The following GNAQ variants were observed in gnomAD, a reference collection of about 807,000 sequenced individuals.
The protein encoded by GNAQ is G protein subunit alpha q.
GNAQ carries 8 observed loss-of-function variants against 43.9 expected under a neutral mutation model. The ratio of observed to expected loss-of-function variants is 0.18; its 90% confidence interval spans 0.11 to 0.33. The LOEUF (loss-of-function observed/expected upper bound fraction) is 0.33. GNAQ is among the 10% of genes least tolerant of loss of function. The probability of loss-of-function intolerance (pLI) is 1.00; values close to 1 mark genes in which losing one functional copy is unlikely to be tolerated. For missense variants in GNAQ, 158 were observed against 450.8 expected (o/e 0.35, Z 5.88); for synonymous variants, 155 against 170.7 (o/e 0.91, Z 0.71).
rs56978328 is a variant in GNAQ at position 77,986,803 on chromosome 9, CTTTT to C, written c.136+44293_136+44296del. Among the ~76,000 whole-genome samples, 83 of 123,542 alleles carry C rather than the reference CTTTT, an allele frequency of 6.7e-4. 1 individual carries two copies. Among genetic ancestry groups the C allele is most frequent in the South Asian group, 2.4e-3 (9 of 3,740 alleles). The allele number at this position is 123,542 out of a possible 152,430, so 81.0% of individuals were successfully genotyped here. ...CAAGAATGAGCCATGGCACCTGGCC[CTTTT>C]TTTTTTTTTTTTTTTTTTAACCTTT... On this transcript the variant is annotated intron_variant, in intron 1 of 6. Coordinates refer to ENST00000286548, the MANE Select transcript of GNAQ (RefSeq NM_002072.5).
intron 1 of GNAQ, among the ~76,000 whole-genome samples, chr9:78,009,103 C>G (rs964668128): frequency 6.6e-6 from 1 of 152,120 alleles, no homozygotes; most frequent in African/African-American, 2.4e-5. Context: ...TAAATAGGTA[C>G]CAAATGAAGT....
intron 2 of GNAQ, among the ~76,000 whole-genome samples, chr9:77,887,709 T>A (rs568517898): frequency 1.3e-5 from 2 of 152,334 alleles, no homozygotes; most frequent in East Asian, 3.9e-4. Context: ...CCATATATTC[T>A]TAGAAATATT....
At chr9:77,798,517 T>C (rs191863546) in intron 3 of GNAQ, among the ~76,000 whole-genome samples, 1 of 152,306 alleles carries the variant, frequency 6.6e-6, no homozygotes, top group East Asian at 1.9e-4. Flanking sequence ...CGTTGTTATA[T>C]ACTCATATGC....
At chr9:77,919,732 T>C (rs1184295613) in intron 2 of GNAQ, among the ~76,000 whole-genome samples, 1 of 152,114 alleles carries the variant, frequency 6.6e-6, no homozygotes, top group African/African-American at 2.4e-5. Flanking sequence ...AGTCATGATA[T>C]GTAGGAGGAT....
At chr9:77,983,007 C>A (rs1334580395) in intron 1 of GNAQ, among the ~76,000 whole-genome samples, 1 of 152,058 alleles carries the variant, frequency 6.6e-6, no homozygotes, top group Non-Finnish European at 1.5e-5. Context: ...TTTAGAAGAA[C>A]CATAACAGAG....
At chr9:77,850,234 G>C (rs1000792839) in intron 2 of GNAQ, among the ~76,000 whole-genome samples, 2 of 152,150 alleles carry the variant, frequency 1.3e-5, no homozygotes, top group African/African-American at 4.8e-5. Context: ...TTATCTGTCA[G>C]AGTCAATAAT....
At chr9:77,756,586 G>C (rs1450901482) in intron 5 of GNAQ, among the ~76,000 whole-genome samples, 1 of 152,192 alleles carries the variant, frequency 6.6e-6, no homozygotes, top group Non-Finnish European at 1.5e-5. Context: ...ACAATGACTT[G>C]AGAGAACCTG....
intron 3 of GNAQ, among the ~76,000 whole-genome samples, chr9:77,814,545 T>C (rs1252321043): frequency 6.6e-6 from 1 of 152,234 alleles, no homozygotes; most frequent in Non-Finnish European, 1.5e-5. Flanking sequence ...AGGCAACATT[T>C]CTGTGGCTGA....
At chr9:77,927,585 A>G (rs565190373) in intron 1 of GNAQ, among the ~76,000 whole-genome samples, 58 of 152,122 alleles carry the variant, frequency 3.8e-4, no homozygotes, top group African/African-American at 1.2e-3. Flanking sequence ...AAGAAAAAAA[A>G]GGGGGTGGGG....
chr9:78,006,738 G>A (rs1199685839), intron 1 of GNAQ, among the ~76,000 whole-genome samples: 2 of 152,174 alleles, frequency 1.3e-5, no homozygotes, highest in Admixed American at 6.5e-5. Context: ...ATGTAACAAA[G>A]TCGAGTTTGA....
intron 1 of GNAQ, among the ~76,000 whole-genome samples, chr9:77,992,869 C>T (rs1354909210): frequency 2.0e-5 from 3 of 151,896 alleles, no homozygotes; most frequent in South Asian, 2.1e-4. Flanking sequence ...TGCTCGAACC[C>T]GGGAGGTGGA....
At chr9:77,871,364 T>C (rs1233441908) in intron 2 of GNAQ, among the ~76,000 whole-genome samples, 2 of 152,086 alleles carry the variant, frequency 1.3e-5, no homozygotes, top group African/African-American at 4.8e-5. Flanking sequence ...GGGATAAGAG[T>C]AGCCATCCCA....
At chr9:77,800,719 A>T (rs1337432589) in intron 3 of GNAQ, among the ~76,000 whole-genome samples, 4 of 152,142 alleles carry the variant, frequency 2.6e-5, no homozygotes, top group African/African-American at 7.2e-5. Flanking sequence ...AATAATAAAT[A>T]AATTTAAAAA....
chr9:78,014,123 A>G (rs2118588332), intron 1 of GNAQ, among the ~76,000 whole-genome samples: 1 of 152,332 alleles, frequency 6.6e-6, no homozygotes, highest in South Asian at 2.1e-4. Flanking sequence ...TGGAAAGCAC[A>G]ACAAACCCAA....
At chr9:77,950,147 T>A (rs879567607) in intron 1 of GNAQ, among the ~76,000 whole-genome samples, 14 of 152,224 alleles carry the variant, frequency 9.2e-5, no homozygotes, top group Non-Finnish European at 1.8e-4. Flanking sequence ...GAAACTTTGC[T>A]TCTCTGGAGG....
chr9:77,850,751 C>T (rs187514187), intron 2 of GNAQ, among the ~76,000 whole-genome samples: 2 of 152,300 alleles, frequency 1.3e-5, no homozygotes, highest in East Asian at 3.9e-4. Context: ...GTTCTCTTTG[C>T]CTTACATGTC....
intron 1 of GNAQ, among the ~76,000 whole-genome samples, chr9:78,003,620 G>C (rs959474927): frequency 1.3e-5 from 2 of 152,076 alleles, no homozygotes; most frequent in African/African-American, 2.4e-5. Context: ...TTCAAGACCA[G>C]CCTGGGCAAC....
At chr9:77,792,859 A>G (rs1038209970) in intron 5 of GNAQ, among the ~76,000 whole-genome samples, 3 of 152,136 alleles carry the variant, frequency 2.0e-5, no homozygotes, top group Non-Finnish European at 2.9e-5. Flanking sequence ...AGAAATGACA[A>G]CCTACATAAC....
At chr9:77,725,299 T>C (rs1369670793) in intron 6 of GNAQ, among the ~76,000 whole-genome samples, 1 of 152,158 alleles carries the variant, frequency 6.6e-6, no homozygotes, top group Non-Finnish European at 1.5e-5. Flanking sequence ...TAATTTCCTT[T>C]CTTGAAGAGA....
Sources: allele counts gnomAD v4.1 joint callset (sites outside exome capture counted in the v4.1 genomes callset), GRCh38; gene constraint gnomAD v4.1.1; transcripts MANE v1.5; gene names NCBI Gene and HGNC (gene_info 2026-07-23, HGNC 2026-07-21).